The following TGM7 variants were observed in gnomAD, a reference collection of about 807,000 sequenced individuals.
TGM7 encodes the protein protein-glutamine gamma-glutamyltransferase Z.
A neutral mutation model predicts 79.5 loss-of-function variants in TGM7; 74 were observed. The ratio of observed to expected loss-of-function variants is 0.93; its 90% CI spans 0.77 to 1.13. TGM7 has a LOEUF of 1.13. TGM7 is among the 50% of genes most tolerant of loss of function. The probability of loss-of-function intolerance (pLI) is 0.00; values close to 1 mark genes in which losing one functional copy is unlikely to be tolerated. For synonymous variants in TGM7, 354 were observed against 362.5 expected (o/e 0.98, Z 0.27); for missense variants, 912 against 905.9 (o/e 1.01, Z -0.09).
At chr15:43,285,648 G>A (rs1257421887) in intron 6 of TGM7, among the ~76,000 whole-genome samples, 1 of 152,136 alleles carries the variant, frequency 6.6e-6, no homozygotes, top group African/African-American at 2.4e-5. Context: ...AGGATGGATA[G>A]AGGGACAAGA....
At chr15:43,279,450 G>A (rs971586674) in intron 10 of TGM7, among the ~76,000 whole-genome samples, 173 bp from the exon 11 acceptor site, 2 of 152,326 alleles carry the variant, frequency 1.3e-5, no homozygotes, top group African/African-American at 2.4e-5. Flanking sequence ...TCACTGCTCC[G>A]TCTCGCCTGG....
rs1267591699 is a variant in TGM7 at position 43,282,637 on chromosome 15, G to A, written c.1005-17C>T. On this transcript the variant is annotated splice_polypyrimidine_tract_variant and intron_variant, in intron 7 of 12. Coordinates refer to ENST00000452443, the MANE Select transcript of TGM7 (RefSeq NM_052955.3). ...TGGAAGTTCCTGCAGGAGGGAGTAAGGAGACAAGGATTCATGTTAGCTGAG... is the reference window on the plus strand; with the variant it reads ...TGGAAGTTCCTGCAGGAGGGAGTAAAGAGACAAGGATTCATGTTAGCTGAG... 1.3e-6 allele frequency: 2 copies of A among 1,573,026 alleles called. No individual in the cohort carries two copies. The highest frequency in any genetic ancestry group is 1.2e-5 in the South Asian group (1 of 86,318).
chr15:43,279,590 C>T (rs1390995159), intron 10 of TGM7, 35 bp downstream of exon 10: 1 of 1,538,552 alleles, frequency 6.5e-7, no homozygotes, highest in Non-Finnish European at 8.8e-7. Flanking sequence ...GCTCCCCTCC[C>T]TGTAGGTGCC....
rs776345098 is a variant in TGM7 at position 43,292,724 on chromosome 15, TA to T, written c.423del (p.Phe141LeufsTer52). 2 of 1,614,126 alleles carry T rather than the reference TA, an allele frequency of 1.2e-6. No homozygotes were observed. The highest frequency in any genetic ancestry group is 1.7e-6 in the Non-Finnish European group (2 of 1,180,034). ...TYPLGTFILLFNPWSPEDDVY... is the reference protein window; with the variant it reads ...TYPLGTFILLXNPWSPEDDVY... The stretch of plus-strand genomic sequence containing the variant: ...CACATCCTACCTGGACTCCAAGGGT[TA>T]AAAAGTAGGATGAAAGTTCCCAGCG... On this transcript the variant is annotated frameshift_variant, in exon 3 of 13. Coordinates refer to ENST00000452443, the MANE Select transcript of TGM7 (RefSeq NM_052955.3). LOFTEE classifies it high-confidence loss of function.
At position 43,279,156 on chromosome 15, in the gene TGM7, T is replaced by A; in HGVS notation, c.1800A>T (p.Leu600=). 1 of 1,614,094 alleles carries A rather than the reference T, an allele frequency of 6.2e-7. No homozygotes were observed. The highest frequency in any genetic ancestry group is 8.5e-7 in the Non-Finnish European group (1 of 1,180,008). The change falls in exon 11 of 13, where the codon CTA becomes CTT. Residue 600 remains leucine, a synonymous_variant. Coordinates refer to ENST00000452443, the MANE Select transcript of TGM7 (RefSeq NM_052955.3). ...VEETGRSMLV[L]KDICLEPPHL... Reference sequence around the variant, plus strand: ...GGGGAGGCTCCAGACAGATATCTTTTAGGACCAGCATGGACCTCCCTGTCT... The same window carrying A: ...GGGGAGGCTCCAGACAGATATCTTTAAGGACCAGCATGGACCTCCCTGTCT...
chr15:43,287,563 A>G lies in TGM7; in HGVS notation c.665T>C (p.Val222Ala), dbSNP rs745762310. ...DCSQRNDVVY[V>A]CRVVSAMINS... is the part of the protein sequence containing the mutation. ...TACCATGGCACTCACCACCCTGCAC[A>G]CATACACCACGTCGTTCCGCTGGGA... The change falls in exon 5 of 13, where the codon GTG becomes GCG. Residue 222 changes from valine (V) to alanine (A), a missense_variant. Val to Ala is a moderately conservative substitution (Grantham distance 64). Transcript: ENST00000452443. 6 of 1,613,994 alleles carry G rather than the reference A, an allele frequency of 3.7e-6. No individual in the cohort carries two copies. In the African/African-American group the frequency reaches 5.3e-5, roughly 14 times the overall value.
At chr15:43,297,332 A>G (rs1447652996) in intron 1 of TGM7, among the ~76,000 whole-genome samples, 1 of 151,948 alleles carries the variant, frequency 6.6e-6, no homozygotes, top group Non-Finnish European at 1.5e-5. Flanking sequence ...TCATGCTTAT[A>G]ATCCCAGCTA....
At chr15:43,289,378 A>G (rs1293446894) in intron 4 of TGM7, among the ~76,000 whole-genome samples, 3 of 152,070 alleles carry the variant, frequency 2.0e-5, no homozygotes, top group Non-Finnish European at 2.9e-5. Flanking sequence ...CCATGTCCCT[A>G]CAAAGGACAT....
At chr15:43,302,098 A>G (rs1023326535) in intron 1 of TGM7, 143 bp downstream of exon 1, 1 of 926,842 alleles carries the variant, frequency 1.1e-6, no homozygotes, top group Non-Finnish European at 1.8e-6. Flanking sequence ...GAGAAGTAAG[A>G]AGAAGGAGCC....
intron 1 of TGM7, 168 bp downstream of exon 1, chr15:43,302,073 G>T: frequency 1.3e-6 from 1 of 756,472 alleles, no homozygotes; most frequent in Non-Finnish European, 2.3e-6. Flanking sequence ...GTGCCCCAAG[G>T]TCCAAATGCA....
At chr15:43,288,175 G>A (rs1293886585) in intron 4 of TGM7, among the ~76,000 whole-genome samples, 4 of 152,224 alleles carry the variant, frequency 2.6e-5, no homozygotes, top group South Asian at 2.1e-4. Flanking sequence ...CAGACGCTGC[G>A]GGCCCTGGAG....
chr15:43,295,416 C>G (rs916209099), intron 1 of TGM7, among the ~76,000 whole-genome samples: 1 of 152,152 alleles, frequency 6.6e-6, no homozygotes. Context: ...CATGGTGAAA[C>G]CCTGCATCTA....
intron 4 of TGM7, among the ~76,000 whole-genome samples, chr15:43,288,659 G>A (rs1309922395): frequency 2.6e-5 from 4 of 152,182 alleles, no homozygotes; most frequent in Admixed American, 1.3e-4. Context: ...AAAATTTGCC[G>A]GCAGCAGTGG....
chr15:43,287,207 C>G, intron 6 of TGM7, 73 bp downstream of exon 6: 1 of 1,519,350 alleles, frequency 6.6e-7, no homozygotes, highest in Non-Finnish European at 8.9e-7. Context: ...AGCTACTGAA[C>G]CTTTATGAGC....
In TGM7 at chr15:43,281,794, C is replaced by T. The variant is rs763331105; in HGVS notation, c.1351+50G>A. The T allele has an allele frequency of 9.4e-6, 15 of 1,597,734 alleles. No homozygotes were observed. In the South Asian group the frequency reaches 1.7e-4, roughly 18 times the overall value. ...ACTTGGAGCCATCCCAGCTAGGAAG[C>T]ATCACAAAGAAGCTTAAAGCAGCCC... On this transcript the variant is annotated intron_variant, in intron 9 of 12. Coordinates refer to ENST00000452443, the MANE Select transcript of TGM7 (RefSeq NM_052955.3).
Position 43,287,648 on chromosome 15 carries a change from T to C in TGM7, c.580A>G (p.Ile194Val), listed in dbSNP as rs754815136. ...CTCTTGTTCAGGATCTCAAAGCAGA[T>C]GTCTATGATGTCCTCTTCAAACTTC... ...YGQFEEDIID[I>V]CFEILNKSLY... Residue 194 changes from isoleucine (I) to valine (V), a missense_variant, in exon 5 of 13, where the codon ATC becomes GTC. Physicochemically the swap from Ile to Val is conservative, Grantham distance 29. Coordinates refer to ENST00000452443, the MANE Select transcript of TGM7 (RefSeq NM_052955.3). 3.1e-6 allele frequency: 5 copies of C among 1,613,470 alleles called. No homozygotes were observed. Among genetic ancestry groups the C allele is most frequent in the Non-Finnish European group, 4.2e-6 (5 of 1,179,846 alleles).
chr15:43,279,296 C>T lies in TGM7; in HGVS notation c.1679-19G>A, dbSNP rs926381081. On this transcript the variant is annotated intron_variant, in intron 10 of 12. Coordinates refer to ENST00000452443, the MANE Select transcript of TGM7 (RefSeq NM_052955.3). ...TGTGTCTCTAAGCACATACAAAAGA[C>T]ACCTTGAGTCCAGGACATGGACCAG... is the stretch of plus-strand genomic sequence containing the variant. The T allele has an allele frequency of 1.9e-6, 3 of 1,611,504 alleles. No homozygotes were observed. The highest frequency in any genetic ancestry group is 2.7e-5 in the African/African-American group (2 of 74,956).
At chr15:43,292,136 ACC>A (rs1596463938) in intron 3 of TGM7, 39 bp from the exon 4 acceptor site, 33 of 1,394,262 alleles carry the variant, frequency 2.4e-5, no homozygotes, top group Admixed American at 1.8e-4. Flanking sequence ...AAAACCCCAA[ACC>A]AAAAAAACAG....
chr15:43,279,684 C>A lies in TGM7; in HGVS notation c.1619G>T (p.Gly540Val), dbSNP rs966730203. Reference protein sequence around the residue: ...RFCAQALLHGGGTQKPFWRHT... With the variant: ...RFCAQALLHGVGTQKPFWRHT... ...CCTCCAGAAGGGCTTCTGGGTACCA[C>A]CCCCATGCAGCAGGGCCTGTGCACA... Residue 540 changes from glycine (G) to valine (V), a missense_variant, in exon 10 of 13, where the codon GGT becomes GTT. Coordinates refer to ENST00000452443, the MANE Select transcript of TGM7 (RefSeq NM_052955.3). 1.9e-6 allele frequency: 3 copies of A among 1,613,108 alleles called. No individual in the cohort carries two copies. The highest frequency in any genetic ancestry group is 2.5e-6 in the Non-Finnish European group (3 of 1,179,654).
Sources: gnomAD v4.1 joint callset for allele counts (sites outside exome capture counted in the v4.1 genomes callset) on GRCh38, gnomAD v4.1.1 for gene constraint, MANE v1.5 for transcripts, NCBI Gene and HGNC (gene_info 2026-07-23, HGNC 2026-07-21) for gene names.